PIRT: variants seen among roughly 807,000 people sequenced by gnomAD.
PIRT encodes phosphoinositide interacting regulator of transient receptor potential channels, also known as phosphoinositide-interacting protein.
A neutral mutation model predicts 7.9 loss-of-function variants in PIRT; 6 were observed. That is an observed-to-expected ratio of 0.76 (90% CI 0.42 to 1.51). PIRT has a LOEUF of 1.51. Ranked by LOEUF, PIRT falls within the 40% of genes most tolerant of loss-of-function variation. The pLI, the probability that PIRT is intolerant of heterozygous loss-of-function variation, is 0.01. For synonymous variants in PIRT, 78 were observed against 71.8 expected (o/e 1.09, Z -0.44); for missense variants, 170 against 172.9 (o/e 0.98, Z 0.09).
rs1490557404 is a variant in PIRT at position 10,824,905 on chromosome 17, G to A, written c.*327C>T. The A allele has an allele frequency of 1.6e-5, 5 of 311,192 alleles. No individual in the cohort carries two copies. Among genetic ancestry groups the A allele is most frequent in the Admixed American group, 4.6e-5 (1 of 21,884 alleles). The allele number at this position is 311,192 out of a possible 1,614,324, so 19.3% of individuals were successfully genotyped here. On this transcript the variant is annotated 3_prime_UTR_variant, in exon 2 of 2. Coordinates refer to ENST00000580256, the MANE Select transcript of PIRT (RefSeq NM_001101387.2). ...TCTCCCTTGGGCATAGCCCACCTTCGAAGAATTTCCCAGCATGCATTGCAC... is the reference window on the plus strand; with the variant it reads ...TCTCCCTTGGGCATAGCCCACCTTCAAAGAATTTCCCAGCATGCATTGCAC...
chr17:10,825,315 C>T lies in PIRT; in HGVS notation c.331G>A (p.Val111Met), dbSNP rs751505252. 4 of 1,613,934 alleles carry T rather than the reference C, an allele frequency of 2.5e-6. No individual in the cohort carries two copies. Among genetic ancestry groups the T allele is most frequent in the Admixed American group, 1.7e-5 (1 of 60,024 alleles). Residue 111 changes from valine to methionine, a missense_variant, in exon 2 of 2, where the codon GTG becomes ATG. Transcript: ENST00000580256. ...TTCTGTTTCTTTTTGATGATGGGCA[C>T]CCACACCAGCCCGCACACCAGCATC... Reference protein sequence around the residue: ...LMMLVCGLVWVPIIKKKQKHR... With the variant: ...LMMLVCGLVWMPIIKKKQKHR...
intron 1 of PIRT, among the ~76,000 whole-genome samples, chr17:10,835,141 G>C (rs1266146235): frequency 6.6e-6 from 1 of 152,150 alleles, no homozygotes; most frequent in Non-Finnish European, 1.5e-5. Flanking sequence ...ACCTCGCCAA[G>C]GCAGGCTTCC....
rs1463097385 is a variant in PIRT at position 10,823,249 on chromosome 17, T to A, written c.*1983A>T. ...ATAGCACTTGCAACACTCCCAAGAT[T>A]GGTCCTGACCACCTGTGTGCAGGGC... On this transcript the variant is annotated 3_prime_UTR_variant, in exon 2 of 2. Coordinates refer to ENST00000580256, the MANE Select transcript of PIRT (RefSeq NM_001101387.2). The A allele has an allele frequency of 6.6e-6, 1 of 152,230 alleles. No homozygotes were observed. Among genetic ancestry groups the A allele is most frequent in the Non-Finnish European group, 1.5e-5 (1 of 68,056 alleles). 9.4% of individuals were successfully genotyped at this position (152,230 alleles called of 1,614,324 possible).
rs370778008 is a variant in PIRT, at chr17:10,825,631, A to G, written c.15T>C (p.Thr5=). 8.1e-4 allele frequency: 1,200 copies of G among 1,487,782 alleles called. 7 individuals are homozygous for G. Among genetic ancestry groups the G allele is most frequent in the Middle Eastern group, 1.1e-3 (6 of 5,496 alleles). The allele number at this position is 1,487,782 out of a possible 1,614,324, so 92.2% of individuals were successfully genotyped here. The stretch of plus-strand genomic sequence containing the variant: ...CATCGACCTCTAGAACCTTGGGGAG[A>G]GTCTCCATCGTCATGGTTGCTCAGG... The part of the protein sequence containing the change: MTME[T]LPKVLEVDEK... Residue 5 remains threonine (T), a synonymous_variant, in exon 2 of 2, where the codon ACT becomes ACC. Coordinates refer to ENST00000580256, the MANE Select transcript of PIRT (RefSeq NM_001101387.2).
At chr17:10,835,906 T>A (rs2151536443) in intron 1 of PIRT, among the ~76,000 whole-genome samples, 1 of 150,682 alleles carries the variant, frequency 6.6e-6, no homozygotes, top group Middle Eastern at 3.5e-3. Context: ...AATCCTGATT[T>A]TTTTTTTTTT....
intron 1 of PIRT, among the ~76,000 whole-genome samples, chr17:10,829,671 T>A (rs906891831): frequency 2.0e-5 from 3 of 152,178 alleles, no homozygotes; most frequent in African/African-American, 7.2e-5. Context: ...TGTGGCTCCA[T>A]CCTGTAGTAA....
In PIRT at chr17:10,833,843, T is replaced by C. The variant is rs527268326; in HGVS notation, c.-139+4102A>G. Among the ~76,000 whole-genome samples, 13 of 151,978 alleles carry C rather than the reference T, an allele frequency of 8.6e-5. No individual in the cohort carries two copies. The East Asian group carries it at 2.3e-3, about 27-fold the overall frequency. On this transcript the variant is annotated intron_variant, in intron 1 of 1. Coordinates refer to ENST00000580256, the MANE Select transcript of PIRT (RefSeq NM_001101387.2). Reference sequence around the variant, plus strand: ...GCCAAATGTTTAAATAAACATTACATATAACAAGTGAACAAGGAACCCAGG... The same window carrying C: ...GCCAAATGTTTAAATAAACATTACACATAACAAGTGAACAAGGAACCCAGG...
At chr17:10,829,537 C>T (rs940979161) in intron 1 of PIRT, among the ~76,000 whole-genome samples, 1 of 152,156 alleles carries the variant, frequency 6.6e-6, no homozygotes, top group Non-Finnish European at 1.5e-5. Context: ...AGGAGCTTGG[C>T]GAACTATACC....
Position 10,822,616 on chromosome 17 carries a change from C to A in PIRT, c.*2616G>T, listed in dbSNP as rs945988940. On this transcript the variant is annotated 3_prime_UTR_variant, in exon 2 of 2. Coordinates refer to ENST00000580256, the MANE Select transcript of PIRT (RefSeq NM_001101387.2). Reference sequence around the variant, plus strand: ...GAAGCTGGTTCTGTCCTTTGACCCACTGACGTGAAAAGAGTCATTGCAGGT... The same window carrying A: ...GAAGCTGGTTCTGTCCTTTGACCCAATGACGTGAAAAGAGTCATTGCAGGT... The A allele has an allele frequency of 6.6e-6, 1 of 152,220 alleles. No individual in the cohort carries two copies. Among genetic ancestry groups the A allele is most frequent in the Admixed American group, 6.5e-5 (1 of 15,280 alleles). The allele number at this position is 152,220 out of a possible 1,614,324, so 9.4% of individuals were successfully genotyped here. A position where few individuals can be genotyped will look rare whatever the true frequency, so the allele number is the denominator to read the frequency against.
chr17:10,826,844 C>T (rs1905329714), intron 1 of PIRT, among the ~76,000 whole-genome samples: 2 of 151,790 alleles, frequency 1.3e-5, no homozygotes, highest in African/African-American at 4.8e-5. Flanking sequence ...TGGAGTTTCA[C>T]TCTTGTTGCC....
chr17:10,822,625 A>C lies in PIRT; in HGVS notation c.*2607T>G, dbSNP rs1905231277. On this transcript the variant is annotated 3_prime_UTR_variant, in exon 2 of 2. Coordinates refer to ENST00000580256, the MANE Select transcript of PIRT (RefSeq NM_001101387.2). ...TCTGTCCTTTGACCCACTGACGTGA[A>C]AAGAGTCATTGCAGGTGATGCTTTG... 1 of 152,204 alleles carries C rather than the reference A, an allele frequency of 6.6e-6. No homozygotes were observed. Among genetic ancestry groups the C allele is most frequent in the South Asian group, 2.1e-4 (1 of 4,820 alleles). The allele number at this position is 152,204 out of a possible 1,614,324, so 9.4% of individuals were successfully genotyped here. A position where few individuals can be genotyped will look rare whatever the true frequency, so the allele number is the denominator to read the frequency against.
In PIRT at chr17:10,822,834, C is replaced by T. The variant is rs1488036109; in HGVS notation, c.*2398G>A. The T allele has an allele frequency of 6.6e-6, 1 of 152,202 alleles. No homozygotes were observed. Among genetic ancestry groups the T allele is most frequent in the Non-Finnish European group, 1.5e-5 (1 of 68,058 alleles). The allele number at this position is 152,202 out of a possible 1,614,324, so 9.4% of individuals were successfully genotyped here. On this transcript the variant is annotated 3_prime_UTR_variant, in exon 2 of 2. Coordinates refer to ENST00000580256, the MANE Select transcript of PIRT (RefSeq NM_001101387.2). ...ATGACGATGTTTGGGGATATTTCCT[C>T]ATATTCTCTTTGCTGAGAAACTAGC...
chr17:10,825,714 A>T lies in PIRT; in HGVS notation c.-69T>A. ...CAAGAGTGGAGCCAAAGGAATCCTC[A>T]CACACCCTTCCTGTACTCAGCATCC... On this transcript the variant is annotated 5_prime_UTR_variant, in exon 2 of 2. An upstream open reading frame in the 5' UTR loses its in-frame stop. Transcript: ENST00000580256. 7.0e-7 allele frequency: 1 copy of T among 1,422,330 alleles called. No homozygotes were observed. Among genetic ancestry groups the T allele is most frequent in the Non-Finnish European group, 9.3e-7 (1 of 1,078,152 alleles). The allele number at this position is 1,422,330 out of a possible 1,614,324, so 88.1% of individuals were successfully genotyped here.
chr17:10,832,435 C>T (rs930446260), intron 1 of PIRT, among the ~76,000 whole-genome samples: 14 of 152,166 alleles, frequency 9.2e-5, no homozygotes, highest in East Asian at 7.7e-4. Flanking sequence ...TCACGTGATC[C>T]GCCCACCTCA....
rs1362268755 is a variant in PIRT, at chr17:10,825,029, C to T, written c.*203G>A. 1.5e-6 allele frequency: 1 copy of T among 674,896 alleles called. No homozygotes were observed. Among genetic ancestry groups the T allele is most frequent in the Non-Finnish European group, 2.4e-6 (1 of 409,970 alleles). The allele number at this position is 674,896 out of a possible 1,614,324, so 41.8% of individuals were successfully genotyped here. ...AGCCGGGATCCAAGGAAGCATCAGT[C>T]AGAATAGAGATCAAGTGGATACATC... On this transcript the variant is annotated 3_prime_UTR_variant, in exon 2 of 2. Coordinates refer to ENST00000580256, the MANE Select transcript of PIRT (RefSeq NM_001101387.2).
In PIRT at chr17:10,825,192, T is replaced by C; in HGVS notation, c.*40A>G. 2 of 1,597,968 alleles carry C rather than the reference T, an allele frequency of 1.3e-6. No homozygotes were observed. Among genetic ancestry groups the C allele is most frequent in the Non-Finnish European group, 1.7e-6 (2 of 1,170,098 alleles). Reference sequence around the variant, plus strand: ...GATGTCGGATGTTGGTCATCAGATCTTCTCCCAGTCAAGGTGGCAGGGAGA... The same window carrying C: ...GATGTCGGATGTTGGTCATCAGATCCTCTCCCAGTCAAGGTGGCAGGGAGA... On this transcript the variant is annotated 3_prime_UTR_variant, in exon 2 of 2. Coordinates refer to ENST00000580256, the MANE Select transcript of PIRT (RefSeq NM_001101387.2).
Position 10,824,509 on chromosome 17 carries a change from A to G in PIRT, c.*723T>C, listed in dbSNP as rs775096876. The G allele has an allele frequency of 4.6e-5, 7 of 152,204 alleles. No individual in the cohort carries two copies. The highest frequency in any genetic ancestry group is 7.3e-5 in the Non-Finnish European group (5 of 68,044). The allele number at this position is 152,204 out of a possible 1,614,324, so 9.4% of individuals were successfully genotyped here. Reference sequence around the variant, plus strand: ...TCAAGTTCAGAGAAGACAGTGGTCAATGAGAAAGATAAGGTCAAGCGGAAA... The same window carrying G: ...TCAAGTTCAGAGAAGACAGTGGTCAGTGAGAAAGATAAGGTCAAGCGGAAA... On this transcript the variant is annotated 3_prime_UTR_variant, in exon 2 of 2. Coordinates refer to ENST00000580256, the MANE Select transcript of PIRT (RefSeq NM_001101387.2).
At chr17:10,829,047 C>T (rs1219364654) in intron 1 of PIRT, among the ~76,000 whole-genome samples, 3 of 152,072 alleles carry the variant, frequency 2.0e-5, no homozygotes, top group Non-Finnish European at 4.4e-5. Flanking sequence ...ATTTTTTTCC[C>T]CCTGTGGGCT....
At chr17:10,828,652 T>TAC (rs1244448086) in intron 1 of PIRT, among the ~76,000 whole-genome samples, 2 of 152,202 alleles carry the variant, frequency 1.3e-5, no homozygotes, top group African/African-American at 2.4e-5. Context: ...AGACACATGT[T>TAC]ACACAGAGAG....
Sources: allele counts gnomAD v4.1 joint callset (sites outside exome capture counted in the v4.1 genomes callset), GRCh38; gene constraint gnomAD v4.1.1; transcripts MANE v1.5; gene names NCBI Gene and HGNC (gene_info 2026-07-23, HGNC 2026-07-21).